Variants in CDH4 observed in about 807,000 individuals in gnomAD.
CDH4 encodes the protein cadherin 4, also known as cadherin-4.
In CDH4, 33 loss-of-function variants were observed where a neutral mutation model predicts 86.0. That is an observed-to-expected ratio of 0.38 (90% CI 0.29 to 0.51). The LOEUF (loss-of-function observed/expected upper bound fraction) is 0.51, where lower values mean the gene tolerates loss of function less well. Among genes scored for constraint, CDH4 ranks in the 20% least tolerant of loss-of-function variants. The pLI is 0.86. For synonymous variants in CDH4, 555 were observed against 549.4 expected (o/e 1.01, Z -0.14); for missense variants, 1,114 against 1,307.4 (o/e 0.85, Z 2.28).
At position 61,399,268 on chromosome 20, in the gene CDH4, G is replaced by A. The variant is rs1378737898; in HGVS notation, c.169+144331G>A. Reference sequence around the variant, plus strand: ...CTGCCTCAGCCTCCCGAGTAGCTGGGACTACAGGCGCCCGCCACCATGCCC... The same window carrying A: ...CTGCCTCAGCCTCCCGAGTAGCTGGAACTACAGGCGCCCGCCACCATGCCC... On this transcript the variant is annotated intron_variant, in intron 2 of 15. Transcript: ENST00000614565. Among the ~76,000 whole-genome samples the A allele has an allele frequency of 2.8e-5, 3 of 107,584 alleles. 1 individual carries two copies. Among genetic ancestry groups the A allele is most frequent in the Non-Finnish European group, 5.6e-5 (3 of 54,010 alleles). The allele number at this position is 107,584 out of a possible 152,430, so 70.6% of individuals were successfully genotyped here.
chr20:61,446,114 G>A (rs2085348873), intron 2 of CDH4, among the ~76,000 whole-genome samples: 1 of 152,152 alleles, frequency 6.6e-6, no homozygotes, highest in South Asian at 2.1e-4. Context: ...CAAATGTGTG[G>A]GTCATACTTG....
At chr20:61,546,593 T>G (rs774628773) in intron 2 of CDH4, among the ~76,000 whole-genome samples, 8 of 150,492 alleles carry the variant, frequency 5.3e-5, no homozygotes, top group Non-Finnish European at 7.4e-5. Flanking sequence ...GGGAGGGGGG[T>G]GTGTGTTTCC....
At chr20:61,691,439 GTGTC>G (rs949599679) in intron 2 of CDH4, among the ~76,000 whole-genome samples, 9 of 150,858 alleles carry the variant, frequency 6.0e-5, no homozygotes, top group South Asian at 4.3e-4. Context: ...GTGTGCATGT[GTGTC>G]TGTGTGTATG....
At chr20:61,908,827 G>T (rs1373685156) in intron 8 of CDH4, among the ~76,000 whole-genome samples, 1 of 152,226 alleles carries the variant, frequency 6.6e-6, no homozygotes, top group Non-Finnish European at 1.5e-5. Context: ...GGCCGGGGAA[G>T]GACAAAGCCC....
intron 4 of CDH4, among the ~76,000 whole-genome samples, chr20:61,814,148 G>A (rs1331911234): frequency 6.6e-6 from 1 of 152,214 alleles, no homozygotes; most frequent in African/African-American, 2.4e-5. Flanking sequence ...ATGGTAACCT[G>A]TGTGTCCTCC....
rs4002829 is a variant in CDH4 at position 61,518,009 on chromosome 20, C to CCTCAGCCT, written c.170-225554_170-225553insCTCAGCCT. 0.15 allele frequency among the ~76,000 whole-genome samples: 22,130 copies of CCTCAGCCT among 151,964 alleles called. 2,208 individuals are homozygous for CCTCAGCCT. The highest frequency in any genetic ancestry group is 0.48 in the East Asian group (2,425 of 5,078). On this transcript the variant is annotated intron_variant, in intron 2 of 15. Transcript: ENST00000614565. The surrounding 1 kb of genome is among the most constrained non-coding windows in gnomAD (Gnocchi z 6.3). Reference sequence around the variant, plus strand: ...GGCAGGAGCTGCCTGCCTCCCCGTGCGGGGAGGATGCCTCAGCCCAGGTTA... The same window carrying CCTCAGCCT: ...GGCAGGAGCTGCCTGCCTCCCCGTGCCTCAGCCTGGGGAGGATGCCTCAGCCCAGGTTA...
At chr20:61,570,973 A>G (rs752266577) in intron 2 of CDH4, among the ~76,000 whole-genome samples, 25 of 152,128 alleles carry the variant, frequency 1.6e-4, no homozygotes, top group Non-Finnish European at 1.2e-4. Flanking sequence ...TACATTTTGT[A>G]GCTGGAAGAT....
rs1982930267 is a variant in CDH4 at position 61,854,930 on chromosome 20, G to GT, written c.877+2032_877+2033insT. Among the ~76,000 whole-genome samples, 2 of 146,938 alleles carry GT rather than the reference G, an allele frequency of 1.4e-5. 1 individual carries two copies. The highest frequency in any genetic ancestry group is 3.0e-5 in the Non-Finnish European group (2 of 66,618). On this transcript the variant is annotated intron_variant, in intron 6 of 15. Transcript: ENST00000614565. ...AATTGCGCCTTTGGCCCACCCCCAG[G>GT]GGTGCAGTGTGAACAGGGTGAATTG...
chr20:61,666,862 C>T (rs1281866305), intron 2 of CDH4, among the ~76,000 whole-genome samples: 1 of 152,230 alleles, frequency 6.6e-6, no homozygotes, highest in African/African-American at 2.4e-5. Context: ...AGAGTCTGGG[C>T]CCAGCTTCCG....
At chr20:61,548,898 G>A (rs1362511156) in intron 2 of CDH4, among the ~76,000 whole-genome samples, 2 of 151,974 alleles carry the variant, frequency 1.3e-5, no homozygotes, top group African/African-American at 4.8e-5. Context: ...TCAGGGAATT[G>A]AATTAGGAAG....
chr20:61,552,431 G>A (rs146654902), intron 2 of CDH4, among the ~76,000 whole-genome samples: 3 of 152,358 alleles, frequency 2.0e-5, no homozygotes, highest in Non-Finnish European at 4.4e-5. Context: ...AAGCACAGTG[G>A]CTCAACACCT....
intron 2 of CDH4, among the ~76,000 whole-genome samples, chr20:61,496,927 G>A (rs568184757): frequency 1.1e-4 from 16 of 150,234 alleles, no homozygotes; most frequent in African/African-American, 3.9e-4. Flanking sequence ...TTGTGGGCAG[G>A]TGTTTTTTTT....
In CDH4 at chr20:61,883,570, G is replaced by A. The variant is rs188738174; in HGVS notation, c.1050+9670G>A. Reference sequence around the variant, plus strand: ...TTCCCCAGAGCATCAGCCACAGGAGGGCAAGGGCTCCAAGAGCCACTGGAA... The same window carrying A: ...TTCCCCAGAGCATCAGCCACAGGAGAGCAAGGGCTCCAAGAGCCACTGGAA... On this transcript the variant is annotated intron_variant, in intron 7 of 15. Coordinates refer to ENST00000614565, the MANE Select transcript of CDH4 (RefSeq NM_001794.5). 4.0e-3 allele frequency among the ~76,000 whole-genome samples: 606 copies of A among 152,332 alleles called. 2 individuals are homozygous for A. Among genetic ancestry groups the A allele is most frequent in the African/African-American group, 0.014 (578 of 41,576 alleles).
intron 4 of CDH4, among the ~76,000 whole-genome samples, chr20:61,821,282 T>C (rs1601022862): frequency 1.7e-5 from 1 of 59,498 alleles, no homozygotes; most frequent in Non-Finnish European, 3.1e-5. Context: ...GCCCCCACCC[T>C]AGACCAGATG....
chr20:61,662,113 A>G (rs1287642258), intron 2 of CDH4, among the ~76,000 whole-genome samples: 1 of 152,010 alleles, frequency 6.6e-6, no homozygotes, highest in Non-Finnish European at 1.5e-5. Flanking sequence ...ATCCCCCACC[A>G]CAGGCACAGA....
At chr20:61,644,602 G>C (rs1324498295) in intron 2 of CDH4, among the ~76,000 whole-genome samples, 1 of 152,186 alleles carries the variant, frequency 6.6e-6, no homozygotes, top group African/African-American at 2.4e-5. Context: ...CAAGGTCACG[G>C]AGCGGGCTCA....
At chr20:61,903,559 A>AAAAAAATT (rs2054753035) in intron 8 of CDH4, among the ~76,000 whole-genome samples, 1 of 149,600 alleles carries the variant, frequency 6.7e-6, no homozygotes. Flanking sequence ...AAAAAAAAAA[A>AAAAAAATT]GTGTAAATGT....
At chr20:61,506,762 C>T (rs1055301470) in intron 2 of CDH4, among the ~76,000 whole-genome samples, 13 of 152,190 alleles carry the variant, frequency 8.5e-5, no homozygotes, top group Non-Finnish European at 1.6e-4. Context: ...TTGGGGGTCT[C>T]GAGGGACCTG....
rs371213628 is a variant in CDH4 at position 61,755,428 on chromosome 20, G to A, written c.396+11639G>A. On this transcript the variant is annotated intron_variant, in intron 3 of 15. Transcript: ENST00000614565. ...CACACACACCATACACACAGTGCAC[G>A]TCACACACCACACACACACACCCCG... is the stretch of plus-strand genomic sequence containing the variant. Among the ~76,000 whole-genome samples the A allele has an allele frequency of 6.7e-3, 812 of 121,788 alleles. 11 individuals are homozygous for A. The highest frequency in any genetic ancestry group is 0.057 in the Middle Eastern group (8 of 140). 79.9% of individuals were successfully genotyped at this position (121,788 alleles called of 152,430 possible).
Sources: gnomAD v4.1 joint callset for allele counts (sites outside exome capture counted in the v4.1 genomes callset) on GRCh38, gnomAD v4.1.1 for gene constraint, Gnocchi (gnomAD v3.1) non-coding constraint, MANE v1.5 for transcripts, NCBI Gene and HGNC (gene_info 2026-07-23, HGNC 2026-07-21) for gene names.